The following ALDH3A2 variants were observed in gnomAD, a reference collection of about 807,000 sequenced individuals.
The protein encoded by ALDH3A2 is aldehyde dehydrogenase 3 family member A2, also known as aldehyde dehydrogenase family 3 member A2.
ALDH3A2 carries 36 observed loss-of-function variants against 51.3 expected under a neutral mutation model. That is an observed-to-expected ratio of 0.70 (90% CI 0.54 to 0.93). The LOEUF is 0.93. Among genes scored for constraint, ALDH3A2 ranks in the 40% least tolerant of loss-of-function variants. The pLI, the probability that ALDH3A2 is intolerant of heterozygous loss-of-function variation, is 0.00. For missense variants in ALDH3A2, 552 were observed against 603.1 expected, an observed-to-expected ratio of 0.92 and a Z score of 0.89; for synonymous variants, 199 against 219.8, an observed-to-expected ratio of 0.91 and a Z score of 0.84.
At chr17:19,648,623 T>C (rs1458070781), upstream of ALDH3A2, 11 of 362,328 alleles carry the variant, frequency 3.0e-5, no homozygotes, top group Non-Finnish European at 5.2e-5. Context: ...CACTGCTCAC[T>C]CCACCCCCTA....
chr17:19,677,179 CAAAA>C lies in ALDH3A2; in HGVS notation c.*1609_*1612del, dbSNP rs2085203215. Reference sequence around the variant, plus strand: ...ACTGCAGGGACTCTGTCCCCACACTCAAAAAGACTCAGCTCACTCAATGAGAGAA... The same window carrying C: ...ACTGCAGGGACTCTGTCCCCACACTCAGACTCAGCTCACTCAATGAGAGAA... On this transcript the variant is annotated 3_prime_UTR_variant, in exon 10 of 10. Transcript: ENST00000176643. The C allele has an allele frequency of 6.6e-6, 1 of 152,190 alleles. No individual in the cohort carries two copies. The highest frequency in any genetic ancestry group is 1.5e-5 in the Non-Finnish European group (1 of 68,038). The allele number at this position is 152,190 out of a possible 1,614,324, so 9.4% of individuals were successfully genotyped here. A position where few individuals can be genotyped will look rare whatever the true frequency, so the allele number is the denominator to read the frequency against.
In ALDH3A2 at chr17:19,672,690, A is replaced by G. The variant is rs78763758; in HGVS notation, c.1443+734A>G. 5.8e-3 allele frequency among the ~76,000 whole-genome samples: 881 copies of G among 152,262 alleles called. 3 individuals carry two copies. The highest frequency in any genetic ancestry group is 0.028 in the East Asian group (146 of 5,182). ...ATATAACATTGAAAATATTGACCAT[A>G]TCAGTGAAGAATGGGCTTGGAAAAG... On this transcript the variant is annotated intron_variant, in intron 9 of 9. Transcript: ENST00000176643.
chr17:19,650,719 C>A (rs2084804474), intron 1 of ALDH3A2, among the ~76,000 whole-genome samples: 1 of 152,172 alleles, frequency 6.6e-6, no homozygotes, highest in African/African-American at 2.4e-5. Flanking sequence ...TCCCAAAGTG[C>A]TGGGATTATA....
In ALDH3A2 at chr17:19,651,542, A is replaced by G. The variant is rs187629449; in HGVS notation, c.154-5A>G. 92 of 1,606,392 alleles carry G rather than the reference A, an allele frequency of 5.7e-5. No homozygotes were observed. Among genetic ancestry groups the G allele is most frequent in the Non-Finnish European group, 7.6e-5 (89 of 1,173,004 alleles). On this transcript the variant is annotated splice_polypyrimidine_tract_variant and splice_region_variant and intron_variant, in intron 1 of 9. Coordinates refer to ENST00000176643, the MANE Select transcript of ALDH3A2 (RefSeq NM_000382.3). ...GCAAGATTAACTGTGATTCTCTTAT[A>G]ACAGAGTGAATTCAATGTGTACAGT...
intron 1 of ALDH3A2, chr17:19,649,944 C>T (rs187977436): frequency 1.1e-3 from 172 of 156,122 alleles, no homozygotes; most frequent in Non-Finnish European, 1.9e-3. Context: ...CGGAGTCTCA[C>T]TGTGTCTCCC....
chr17:19,659,093 T>C (rs950943866), intron 5 of ALDH3A2, among the ~76,000 whole-genome samples: 1 of 151,924 alleles, frequency 6.6e-6, no homozygotes, highest in African/African-American at 2.4e-5. Flanking sequence ...TAGCCGGGCA[T>C]GGTGGCACGC....
At chr17:19,672,759 G>A (rs1268823303) in intron 9 of ALDH3A2, among the ~76,000 whole-genome samples, 1 of 152,086 alleles carries the variant, frequency 6.6e-6, no homozygotes, top group African/African-American at 2.4e-5. Flanking sequence ...AAATTTGAAA[G>A]GGGGCCGGCG....
At chr17:19,660,932 T>G (rs1178573397) in intron 5 of ALDH3A2, among the ~76,000 whole-genome samples, 195 bp from the exon 6 acceptor site, 1 of 152,216 alleles carries the variant, frequency 6.6e-6, no homozygotes, top group East Asian at 1.9e-4. Flanking sequence ...GCATGCTTTA[T>G]TTTCTGGTCC....
rs4646801 is a variant in ALDH3A2, at chr17:19,661,405, T to C, written c.940+137T>C. On this transcript the variant is annotated intron_variant, in intron 6 of 9. Coordinates refer to ENST00000176643, the MANE Select transcript of ALDH3A2 (RefSeq NM_000382.3). ...TACTAAATCCTGCTTTCTGGTATAC[T>C]GTACCTGTAGCTTTTGTTATAAACT... The C allele has an allele frequency of 7.1e-3, 7,135 of 998,226 alleles. 52 individuals carry two copies. Among genetic ancestry groups the C allele is most frequent in the East Asian group, 0.026 (1,007 of 38,532 alleles). 61.8% of individuals were successfully genotyped at this position (998,226 alleles called of 1,614,324 possible).
chr17:19,648,856 T>C lies in ALDH3A2; in HGVS notation c.-116T>C. The C allele has an allele frequency of 1.5e-6, 2 of 1,372,504 alleles. No individual in the cohort carries two copies. 85.0% of individuals were successfully genotyped at this position (1,372,504 alleles called of 1,614,324 possible). A position where few individuals can be genotyped will look rare whatever the true frequency, so the allele number is the denominator to read the frequency against. ...GTGAATTGTGGCTGTGGGTTGACGG[T>C]GGAGACACCCCCCGGAGGGAGGCGG... is the stretch of plus-strand genomic sequence containing the variant. On this transcript the variant is annotated 5_prime_UTR_variant, in exon 1 of 10. Transcript: ENST00000176643.
At chr17:19,665,998 T>C (rs2085031801) in intron 8 of ALDH3A2, among the ~76,000 whole-genome samples, 1 of 152,174 alleles carries the variant, frequency 6.6e-6, no homozygotes, top group African/African-American at 2.4e-5. Flanking sequence ...CAGGTCCTTG[T>C]CTAGGAGGTA....
rs1421537348 is a variant in ALDH3A2 at position 19,649,135 on chromosome 17, G to A, written c.153+11G>A. ...GCCGACCTGTGCAAGGTACGCACGC[G>A]TGCGGCGGGGTGTGGGGAAACTGGC... is the stretch of plus-strand genomic sequence containing the variant. On this transcript the variant is annotated intron_variant, in intron 1 of 9. Coordinates refer to ENST00000176643, the MANE Select transcript of ALDH3A2 (RefSeq NM_000382.3). 1.1e-5 allele frequency: 17 copies of A among 1,553,974 alleles called. No homozygotes were observed. The highest frequency in any genetic ancestry group is 1.5e-5 in the Non-Finnish European group (17 of 1,146,734).
chr17:19,671,687 G>A (rs2085115566), intron 8 of ALDH3A2, 34 bp from the exon 9 acceptor site: 2 of 1,579,278 alleles, frequency 1.3e-6, no homozygotes, highest in Non-Finnish European at 1.7e-6. Context: ...ATCATCTACA[G>A]TGAAGCTTGT....
At chr17:19,651,300 T>C (rs1301396663) in intron 1 of ALDH3A2, among the ~76,000 whole-genome samples, 1 of 152,248 alleles carries the variant, frequency 6.6e-6, no homozygotes, top group Non-Finnish European at 1.5e-5. Flanking sequence ...AAGGATTTAC[T>C]AATGGTATTC....
Position 19,663,457 on chromosome 17 carries a change from T to C in ALDH3A2, c.1065T>C (p.Arg355=), listed in dbSNP as rs769281374. 5.0e-6 allele frequency: 8 copies of C among 1,614,066 alleles called. No individual in the cohort carries two copies. Among genetic ancestry groups the C allele is most frequent in the Admixed American group, 1.7e-5 (1 of 60,004 alleles). ...AGGCCATAAATTTCATAAATGAACGTGAAAAGCCTCTGGCTCTTTATGTAT... is the reference window on the plus strand; with the variant it reads ...AGGCCATAAATTTCATAAATGAACGCGAAAAGCCTCTGGCTCTTTATGTAT... ...VDEAINFINE[R]EKPLALYVFS... Residue 355 remains arginine (R), a synonymous_variant, in exon 7 of 10, where the codon CGT becomes CGC. Transcript: ENST00000176643.
At chr17:19,669,506 C>T (rs2085083653) in intron 8 of ALDH3A2, among the ~76,000 whole-genome samples, 2 of 152,062 alleles carry the variant, frequency 1.3e-5, no homozygotes, top group Non-Finnish European at 2.9e-5. Context: ...CATTATCTTT[C>T]TGGTTTGTTT....
chr17:19,658,738 A>G (rs1171236864), intron 5 of ALDH3A2, among the ~76,000 whole-genome samples: 3 of 130,064 alleles, frequency 2.3e-5, no homozygotes, highest in Non-Finnish European at 4.9e-5. Context: ...ACAGAGCAAG[A>G]CTCTGTCTTT....
In ALDH3A2 at chr17:19,657,781, A is replaced by C. The variant is rs751858811; in HGVS notation, c.717A>C (p.Gln239His). 5 of 1,614,106 alleles carry C rather than the reference A, an allele frequency of 3.1e-6. No homozygotes were observed. Among genetic ancestry groups the C allele is most frequent in the Non-Finnish European group, 4.2e-6 (5 of 1,179,976 alleles). Residue 239 changes from glutamine (Q) to histidine (H), a missense_variant, in exon 5 of 10, where the codon CAA (glutamine) becomes CAC (histidine). By Grantham distance (24) the Gln-to-His change is conservative (BLOSUM62 0). Transcript: ENST00000176643. ...ITWGKYMNCG[Q>H]TCIAPDYILC... ...GGGGAAAATACATGAATTGTGGCCA[A>C]ACCTGCATTGCACCCGACTATATTC...
chr17:19,660,061 A>G (rs1340219437), intron 5 of ALDH3A2, among the ~76,000 whole-genome samples: 1 of 152,060 alleles, frequency 6.6e-6, no homozygotes, highest in East Asian at 1.9e-4. Context: ...GTGGTTAAAG[A>G]TACTTGTGAG....
Sources: gnomAD v4.1 joint callset for allele counts (sites outside exome capture counted in the v4.1 genomes callset) on GRCh38, gnomAD v4.1.1 for gene constraint, MANE v1.5 for transcripts, NCBI Gene and HGNC (gene_info 2026-07-23, HGNC 2026-07-21) for gene names.